Variants in CEP128 observed in about 807,000 individuals in gnomAD.
The protein encoded by CEP128 is centrosomal protein 128kDa.
CEP128 carries 132 observed loss-of-function variants against 156.7 expected under a neutral mutation model. The observed-to-expected ratio is 0.84, with a 90% CI of 0.73 to 0.97. The LOEUF is 0.97. CEP128 is among the 50% of genes least tolerant of loss of function. The probability of loss-of-function intolerance (pLI) is 0.00; values close to 1 mark genes in which losing one functional copy is unlikely to be tolerated. For synonymous variants in CEP128, 469 were observed against 448.9 expected (o/e 1.04, Z -0.57); for missense variants, 1,252 against 1,281.9 (o/e 0.98, Z 0.36).
At chr14:80,942,914 C>G (rs1886227266), upstream of CEP128, among the ~76,000 whole-genome samples, 1 of 151,820 alleles carries the variant, frequency 6.6e-6, no homozygotes, top group African/African-American at 2.4e-5. Context: ...TTTTTCTGGC[C>G]AACACTGAGA....
intron 13 of CEP128, among the ~76,000 whole-genome samples, chr14:80,813,691 T>G (rs1439826008): frequency 6.6e-6 from 1 of 152,196 alleles, no homozygotes; most frequent in African/African-American, 2.4e-5. Flanking sequence ...TAAACCATAT[T>G]AACACAATAC....
chr14:80,953,750 A>T (rs960496393), intron 2 of CEP128, among the ~76,000 whole-genome samples: 9 of 152,168 alleles, frequency 5.9e-5, no homozygotes, highest in Non-Finnish European at 8.8e-5. Context: ...TTTATTACCC[A>T]CAAAATTCTC....
chr14:80,905,862 T>G, intron 5 of CEP128, 93 bp downstream of exon 5: 1 of 1,225,070 alleles, frequency 8.2e-7, no homozygotes, highest in Non-Finnish European at 1.2e-6. Context: ...TGCATGAAGT[T>G]ATGTGTGGGT....
intron 19 of CEP128, among the ~76,000 whole-genome samples, chr14:80,699,919 G>A (rs1338439445): frequency 6.6e-6 from 1 of 152,100 alleles, no homozygotes; most frequent in African/African-American, 2.4e-5. Flanking sequence ...CCTTAGGCAA[G>A]GAAGTAGTAT....
At chr14:80,679,240 C>G (rs1896213692) in intron 19 of CEP128, among the ~76,000 whole-genome samples, 2 of 152,138 alleles carry the variant, frequency 1.3e-5, no homozygotes, top group Admixed American at 1.3e-4. Flanking sequence ...TTTTAGGGAA[C>G]AAGGGAAGAC....
intron 20 of CEP128, among the ~76,000 whole-genome samples, chr14:80,561,393 G>A (rs929867295): frequency 6.6e-6 from 1 of 152,152 alleles, no homozygotes; most frequent in Admixed American, 6.5e-5. Context: ...GATGCCTCAA[G>A]GGGGCTTTGA....
chr14:80,938,404 G>C (rs1054160954), intron 2 of CEP128, among the ~76,000 whole-genome samples: 1 of 151,832 alleles, frequency 6.6e-6, no homozygotes, highest in Non-Finnish European at 1.5e-5. Flanking sequence ...CTGCCACCAC[G>C]CCTGGTAATT....
At chr14:80,815,243 AAAAGTGGAC>A (rs1295292402) in intron 13 of CEP128, among the ~76,000 whole-genome samples, 1 of 152,246 alleles carries the variant, frequency 6.6e-6, no homozygotes, top group Non-Finnish European at 1.5e-5. Flanking sequence ...AAGTTCATTA[AAAAGTGGAC>A]AAAGAACAAG....
intron 21 of CEP128, among the ~76,000 whole-genome samples, chr14:80,556,771 T>C (rs1247544641): frequency 1.3e-5 from 2 of 152,178 alleles, no homozygotes; most frequent in Non-Finnish European, 2.9e-5. Context: ...TAATAACAAC[T>C]CAACCAAATA....
At chr14:80,764,423 C>T (rs1277846278) in intron 16 of CEP128, among the ~76,000 whole-genome samples, 5 of 151,176 alleles carry the variant, frequency 3.3e-5, no homozygotes, top group African/African-American at 7.3e-5. Context: ...GGCGTGAACC[C>T]GGGAAGCAGA....
intron 20 of CEP128, among the ~76,000 whole-genome samples, chr14:80,561,072 T>C (rs1046881513): frequency 6.6e-6 from 1 of 152,136 alleles, no homozygotes; most frequent in Non-Finnish European, 1.5e-5. Context: ...ACTGGCATTC[T>C]CTCAGTATCA....
At chr14:80,636,368 T>C (rs967190173) in intron 19 of CEP128, among the ~76,000 whole-genome samples, 3 of 152,228 alleles carry the variant, frequency 2.0e-5, no homozygotes, top group Non-Finnish European at 4.4e-5. Context: ...AGCATAAAGA[T>C]ACAACCTATT....
At chr14:80,595,274 G>T (rs1409996239) in intron 19 of CEP128, among the ~76,000 whole-genome samples, 1 of 152,146 alleles carries the variant, frequency 6.6e-6, no homozygotes, top group East Asian at 1.9e-4. Context: ...TGAACAATGA[G>T]AACACATGGA....
At chr14:80,700,283 T>C (rs1349594773) in intron 19 of CEP128, among the ~76,000 whole-genome samples, 2 of 151,880 alleles carry the variant, frequency 1.3e-5, no homozygotes, top group African/African-American at 4.8e-5. Flanking sequence ...GAGTCCCATA[T>C]CTCCATATTT....
intron 10 of CEP128, among the ~76,000 whole-genome samples, chr14:80,839,898 T>C (rs984625830): frequency 3.9e-5 from 6 of 152,060 alleles, no homozygotes; most frequent in Non-Finnish European, 8.8e-5. Flanking sequence ...CAAAATGACT[T>C]TGAACTCAAC....
At chr14:80,498,548 C>G (rs996018261) in intron 24 of CEP128, among the ~76,000 whole-genome samples, 1 of 152,108 alleles carries the variant, frequency 6.6e-6, no homozygotes, top group Non-Finnish European at 1.5e-5. Context: ...AGCTTTTGTA[C>G]TTTTTGCCCC....
In CEP128 at chr14:80,614,185, G is replaced by T. The variant is rs957617086; in HGVS notation, c.2807-33762C>A. Among the ~76,000 whole-genome samples the T allele has an allele frequency of 3.3e-5, 5 of 151,932 alleles. No individual in the cohort carries two copies. In the East Asian group the frequency reaches 9.6e-4, roughly 29 times the overall value. ...TGGTTAAAAAAGAATGAAAAAAAGG[G>T]CACCTACTTCCAAATGATAAAATGA... On this transcript the variant is annotated intron_variant, in intron 19 of 24. Transcript: ENST00000555265.
chr14:80,795,388 T>C (rs909828903), intron 13 of CEP128, among the ~76,000 whole-genome samples: 3 of 152,230 alleles, frequency 2.0e-5, no homozygotes, highest in African/African-American at 7.2e-5. Context: ...AGATTTCTTT[T>C]GCTAGCTTTA....
intron 8 of CEP128, among the ~76,000 whole-genome samples, chr14:80,878,848 C>A (rs1888401330): frequency 6.6e-6 from 1 of 152,210 alleles, no homozygotes; most frequent in Non-Finnish European, 1.5e-5. Flanking sequence ...GTGCAAGAGT[C>A]TGACCTCACG....
Sources: allele counts gnomAD v4.1 joint callset (sites outside exome capture counted in the v4.1 genomes callset), GRCh38; gene constraint gnomAD v4.1.1; transcripts MANE v1.5; gene names NCBI Gene and HGNC (gene_info 2026-07-23, HGNC 2026-07-21).